Variants in AGBL4 observed in about 807,000 individuals in gnomAD.
AGBL4 encodes AGBL carboxypeptidase 4, also known as cytosolic carboxypeptidase 6.
A neutral mutation model predicts 66.4 loss-of-function variants in AGBL4; 58 were observed. That is an observed-to-expected ratio of 0.87 (90% CI 0.71 to 1.09). The LOEUF is 1.09. Ranked by LOEUF, AGBL4 falls within the 50% of genes least tolerant of loss-of-function variation. AGBL4 has a pLI of 0.00. For synonymous variants in AGBL4, 234 were observed against 222.9 expected (o/e 1.05, Z -0.44); for missense variants, 579 against 631.0 (o/e 0.92, Z 0.88).
At chr1:48,776,706 C>G (rs1402498317) in intron 6 of AGBL4, 1 of 1,521,012 alleles carries the variant, frequency 6.6e-7, no homozygotes, top group Non-Finnish European at 8.8e-7. Context: ...CCTCCGGGCC[C>G]CGGTACACGG....
chr1:49,432,324 G>A (rs1311855479), intron 3 of AGBL4, among the ~76,000 whole-genome samples: 1 of 152,104 alleles, frequency 6.6e-6, no homozygotes, highest in Non-Finnish European at 1.5e-5. Context: ...GTAATTTTGA[G>A]TTGGTCTGGC....
chr1:48,671,900 C>T (rs452893), intron 6 of AGBL4, among the ~76,000 whole-genome samples: 85,146 of 152,058 alleles, frequency 0.56, 24,148 homozygotes, highest in Middle Eastern at 0.66. Context: ...CCCCAATGTG[C>T]GCTCTGCTTT....
At chr1:49,787,166 C>T (rs867066973) in intron 2 of AGBL4, among the ~76,000 whole-genome samples, 4 of 152,186 alleles carry the variant, frequency 2.6e-5, no homozygotes, top group East Asian at 1.9e-4. Flanking sequence ...AAGAGAAGGG[C>T]GGACATATCA....
intron 6 of AGBL4, chr1:48,759,013 A>G (rs1644107539): frequency 6.2e-7 from 1 of 1,613,886 alleles, no homozygotes; most frequent in Non-Finnish European, 8.5e-7. Flanking sequence ...CTGTTGTACC[A>G]GCTGCCTCCG....
At chr1:49,211,969 GTGA>G (rs1217127966) in intron 4 of AGBL4, among the ~76,000 whole-genome samples, 1 of 152,030 alleles carries the variant, frequency 6.6e-6, no homozygotes, top group Admixed American at 6.6e-5. Flanking sequence ...ATTATCACAT[GTGA>G]TGTCACTCAA....
rs150726105 is a variant in AGBL4, at chr1:49,769,574, G to T, written c.158-72137C>A. 2.0e-3 allele frequency among the ~76,000 whole-genome samples: 310 copies of T among 152,250 alleles called. 11 individuals are homozygous for T. The East Asian group carries it at 0.051, about 25-fold the overall frequency. On this transcript the variant is annotated intron_variant, in intron 2 of 13. Transcript: ENST00000371839. ...ACCTGACTTCAAACTACACTACAGGGCTGCAGTAACCAAAATAGCATGGTA... is the reference window on the plus strand; with the variant it reads ...ACCTGACTTCAAACTACACTACAGGTCTGCAGTAACCAAAATAGCATGGTA...
chr1:49,116,928 T>C (rs371102878), intron 4 of AGBL4, among the ~76,000 whole-genome samples: 13 of 152,364 alleles, frequency 8.5e-5, no homozygotes, highest in African/African-American at 3.1e-4. Context: ...TGGCGTAAGA[T>C]GAAATCTCAT....
chr1:49,118,072 A>C (rs202244903), intron 4 of AGBL4, among the ~76,000 whole-genome samples: 16 of 152,256 alleles, frequency 1.1e-4, no homozygotes, highest in East Asian at 1.9e-4. Context: ...ATTTTGTATC[A>C]TGAGACTTTG....
intron 11 of AGBL4, among the ~76,000 whole-genome samples, chr1:48,572,901 T>A (rs1173675803): frequency 6.6e-6 from 1 of 152,154 alleles, no homozygotes; most frequent in Non-Finnish European, 1.5e-5. Context: ...CAAAGACAAG[T>A]GGCAGAGGGA....
At chr1:49,377,821 A>G (rs142316156) in intron 3 of AGBL4, among the ~76,000 whole-genome samples, 79 of 152,246 alleles carry the variant, frequency 5.2e-4, no homozygotes, top group African/African-American at 1.7e-3. Flanking sequence ...ATGTAAGCAC[A>G]CCTGTACCTG....
chr1:48,746,232 T>G (rs1361401193), intron 6 of AGBL4, among the ~76,000 whole-genome samples: 1 of 152,168 alleles, frequency 6.6e-6, no homozygotes, highest in East Asian at 1.9e-4. Context: ...CAGAGTGGGT[T>G]TTTTTGGTAA....
At chr1:49,239,749 G>T (rs1035214179) in intron 4 of AGBL4, among the ~76,000 whole-genome samples, 2 of 152,114 alleles carry the variant, frequency 1.3e-5, no homozygotes, top group African/African-American at 4.8e-5. Context: ...ACCAGGCATA[G>T]TTCTAGAGCT....
intron 4 of AGBL4, among the ~76,000 whole-genome samples, chr1:49,093,342 A>G (rs1380245137): frequency 6.6e-6 from 1 of 152,198 alleles, no homozygotes; most frequent in African/African-American, 2.4e-5. Context: ...AAATTCTTTT[A>G]TAGCCAATAT....
At chr1:49,615,532 G>A (rs1415700391) in intron 3 of AGBL4, among the ~76,000 whole-genome samples, 3 of 152,022 alleles carry the variant, frequency 2.0e-5, no homozygotes, top group African/African-American at 7.2e-5. Flanking sequence ...CAGATATGCC[G>A]ACAGTTTGTA....
Position 49,931,528 on chromosome 1 carries a change from C to T in AGBL4, c.35-80010G>A, listed in dbSNP as rs1248563088. Among the ~76,000 whole-genome samples, 7 of 152,110 alleles carry T rather than the reference C, an allele frequency of 4.6e-5. No individual in the cohort carries two copies. In the East Asian group the frequency reaches 1.4e-3, roughly 29 times the overall value. On this transcript the variant is annotated intron_variant, in intron 1 of 13. Coordinates refer to ENST00000371839, the MANE Select transcript of AGBL4 (RefSeq NM_032785.4). ...GTGCCAGACACTTATCAAACAACCA[C>T]ATCTCATGAGAACTTACTATCATGA...
intron 1 of AGBL4, among the ~76,000 whole-genome samples, chr1:49,881,020 G>A (rs915213598): frequency 5.3e-4 from 80 of 152,164 alleles, no homozygotes; most frequent in African/African-American, 1.7e-3. Context: ...GCTTAGGCTC[G>A]CGCACAGTGC....
intron 3 of AGBL4, among the ~76,000 whole-genome samples, chr1:49,437,039 G>A (rs968396715): frequency 1.3e-5 from 2 of 152,176 alleles, no homozygotes; most frequent in African/African-American, 4.8e-5. Context: ...AGCAGTACAA[G>A]GTATAGAATT....
chr1:48,667,937 G>A (rs1646214568), intron 6 of AGBL4, among the ~76,000 whole-genome samples: 1 of 152,188 alleles, frequency 6.6e-6, no homozygotes, highest in African/African-American at 2.4e-5. Flanking sequence ...GGATTGAGAT[G>A]CTAATGCGAA....
intron 6 of AGBL4, among the ~76,000 whole-genome samples, chr1:48,843,003 T>C (rs1200138672): frequency 6.6e-6 from 1 of 152,126 alleles, no homozygotes; most frequent in African/African-American, 2.4e-5. Flanking sequence ...GAATGGTGGT[T>C]ACCAGGAGCT....
Sources: gnomAD v4.1 joint callset for allele counts (sites outside exome capture counted in the v4.1 genomes callset) on GRCh38, gnomAD v4.1.1 for gene constraint, MANE v1.5 for transcripts, NCBI Gene and HGNC (gene_info 2026-07-23, HGNC 2026-07-21) for gene names.